ALDH1L2: variants seen among roughly 807,000 people sequenced by gnomAD.
The protein encoded by ALDH1L2 is aldehyde dehydrogenase 1 family member L2.
ALDH1L2 carries 91 observed loss-of-function variants against 111.0 expected under a neutral mutation model. The observed-to-expected ratio is 0.82, with a 90% confidence interval of 0.69 to 0.98. The LOEUF (loss-of-function observed/expected upper bound fraction) is 0.98. ALDH1L2 is among the 50% of genes least tolerant of loss of function. The probability of loss-of-function intolerance (pLI) is 0.00; values close to 1 mark genes in which losing one functional copy is unlikely to be tolerated. For missense variants in ALDH1L2, 995 were observed against 1,126.8 expected (o/e 0.88, Z 1.67); for synonymous variants, 374 against 392.6 (o/e 0.95, Z 0.56).
rs1874078534 is a variant in ALDH1L2 at position 105,019,907 on chromosome 12, A to G, written c.*4517T>C. 1 of 152,244 alleles carries G rather than the reference A, an allele frequency of 6.6e-6. No individual in the cohort carries two copies. Among genetic ancestry groups the G allele is most frequent in the Non-Finnish European group, 1.5e-5 (1 of 68,044 alleles). The allele number at this position is 152,244 out of a possible 1,614,324, so 9.4% of individuals were successfully genotyped here. A position where few individuals can be genotyped will look rare whatever the true frequency, so the allele number is the denominator to read the frequency against. Reference sequence around the variant, plus strand: ...ATGTAAAAAAAGTATACATATTCATAGAAAAAGTTTGGAACAATCTCAGAT... The same window carrying G: ...ATGTAAAAAAAGTATACATATTCATGGAAAAAGTTTGGAACAATCTCAGAT... On this transcript the variant is annotated 3_prime_UTR_variant, in exon 23 of 23. Coordinates refer to ENST00000258494, the MANE Select transcript of ALDH1L2 (RefSeq NM_001034173.4).
At chr12:105,074,457 CCAA>C (rs1417045883) in intron 1 of ALDH1L2, among the ~76,000 whole-genome samples, 2 of 93,702 alleles carry the variant, frequency 2.1e-5, no homozygotes. Context: ...GACTCTGTCT[CCAA>C]AAAAAAAAAA....
At chr12:105,050,580 A>G (rs1204731784) in intron 12 of ALDH1L2, 2 of 391,838 alleles carry the variant, frequency 5.1e-6, no homozygotes, top group Non-Finnish European at 1.0e-5. Flanking sequence ...CAACTTCTCT[A>G]TTTATTTTTC....
chr12:105,050,639 G>C (rs1331114310), intron 12 of ALDH1L2: 1 of 451,736 alleles, frequency 2.2e-6, no homozygotes, highest in Non-Finnish European at 4.4e-6. Context: ...GGCCACTCTA[G>C]AGTCCAGCTT....
At chr12:105,031,296 A>G (rs2136048394) in intron 20 of ALDH1L2, among the ~76,000 whole-genome samples, 1 of 152,332 alleles carries the variant, frequency 6.6e-6, no homozygotes, top group South Asian at 2.1e-4. Flanking sequence ...CCACTAAAAA[A>G]TAACTTCCTG....
At position 105,061,032 on chromosome 12, in the gene ALDH1L2, T is replaced by G; in HGVS notation, c.1088A>C (p.Glu363Ala). The change falls in exon 9 of 23, where the codon GAA becomes GCA. Residue 363 changes from glutamate to alanine, a missense_variant. Glu to Ala is a moderately radical substitution (Grantham distance 107, BLOSUM62 -1). Transcript: ENST00000258494. ...AGATTTAAAGAAGTCTGTTGAGTCT[T>G]CAATAATGGGGACATTGCTTAAAAT... ...AGILSNVPII[E>A]DSTDFFKSGA... 1 of 1,613,996 alleles carries G rather than the reference T, an allele frequency of 6.2e-7. No individual in the cohort carries two copies. Among genetic ancestry groups the G allele is most frequent in the Non-Finnish European group, 8.5e-7 (1 of 1,179,914 alleles).
At chr12:105,067,641 ACTGC>A (rs879480822) in intron 4 of ALDH1L2, among the ~76,000 whole-genome samples, 10 of 152,140 alleles carry the variant, frequency 6.6e-5, no homozygotes, top group Admixed American at 6.5e-4. Context: ...TCCCATTTTC[ACTGC>A]GAGGCCCACG....
intron 7 of ALDH1L2, 68 bp downstream of exon 7, chr12:105,062,820 C>T: frequency 6.5e-7 from 1 of 1,541,774 alleles, no homozygotes; most frequent in African/African-American, 1.4e-5. Flanking sequence ...AAAGCTATTC[C>T]CTTAATAGCT....
At chr12:105,028,388 C>T (rs1388509010) in intron 21 of ALDH1L2, among the ~76,000 whole-genome samples, 1 of 152,214 alleles carries the variant, frequency 6.6e-6, no homozygotes, top group African/African-American at 2.4e-5. Flanking sequence ...GCTGGGATTA[C>T]AGGCATGAGC....
intron 15 of ALDH1L2, among the ~76,000 whole-genome samples, chr12:105,041,095 C>T (rs775634924): frequency 7.9e-5 from 12 of 152,184 alleles, no homozygotes; most frequent in Admixed American, 5.2e-4. Context: ...GTACAATCAT[C>T]AAAATCAGGA....
At chr12:105,030,579 G>A (rs1405595364) in intron 20 of ALDH1L2, 150 bp from the exon 21 acceptor site, 3 of 517,322 alleles carry the variant, frequency 5.8e-6, no homozygotes, top group Non-Finnish European at 9.7e-6. Flanking sequence ...GTGTTGGCAT[G>A]CCCAGGTTCT....
chr12:105,050,427 CT>C (rs1418920683), intron 12 of ALDH1L2: 2 of 194,258 alleles, frequency 1.0e-5, no homozygotes, highest in Non-Finnish European at 2.1e-5. Context: ...ATTTCCAAAA[CT>C]AACTGAAGAG....
At chr12:105,034,495 A>G (rs1241978212) in intron 18 of ALDH1L2, 97 bp from the exon 19 acceptor site, 26 of 1,005,696 alleles carry the variant, frequency 2.6e-5, no homozygotes, top group Non-Finnish European at 3.7e-5. Context: ...TTTGGAAGAC[A>G]GCAGGCAATA....
At chr12:105,047,088 T>G (rs1046491445) in intron 13 of ALDH1L2, 119 bp from the exon 14 acceptor site, 3 of 1,075,848 alleles carry the variant, frequency 2.8e-6, no homozygotes, top group Non-Finnish European at 4.1e-6. Flanking sequence ...AAAAGAGCGT[T>G]TGTTGATAAG....
intron 15 of ALDH1L2, among the ~76,000 whole-genome samples, chr12:105,045,064 CT>C (rs1297966115): frequency 2.0e-5 from 3 of 151,826 alleles, no homozygotes; most frequent in African/African-American, 4.8e-5. Flanking sequence ...ACTTATTCAT[CT>C]TACATGATTG....
In ALDH1L2 at chr12:105,067,194, C is replaced by T. The variant is rs371531030; in HGVS notation, c.595-525G>A. The stretch of plus-strand genomic sequence containing the variant: ...TCACACCACTGCACTCCAGCCTGGG[C>T]GACAGAGCGAGACTCTGTCTCAAAA... On this transcript the variant is annotated intron_variant, in intron 4 of 22. Transcript: ENST00000258494. 3.1e-4 allele frequency among the ~76,000 whole-genome samples: 40 copies of T among 127,428 alleles called. No homozygotes were observed. The East Asian group carries it at 8.6e-3, about 28-fold the overall frequency. The allele number at this position is 127,428 out of a possible 152,430, so 83.6% of individuals were successfully genotyped here. A position where few individuals can be genotyped will look rare whatever the true frequency, so the allele number is the denominator to read the frequency against.
intron 9 of ALDH1L2, among the ~76,000 whole-genome samples, chr12:105,058,957 CA>C (rs201649829): frequency 1.8e-4 from 27 of 146,660 alleles, no homozygotes; most frequent in Non-Finnish European, 1.8e-4. Context: ...ATCTTGCTAG[CA>C]AAAAAAAAAG....
intron 9 of ALDH1L2, 25 bp downstream of exon 9, chr12:105,060,956 T>C: frequency 1.9e-6 from 3 of 1,600,606 alleles, no homozygotes; most frequent in Non-Finnish European, 2.6e-6. Context: ...GAATCCCTAG[T>C]GAGTCAATAA....
chr12:105,039,323 A>G (rs1257678666), intron 17 of ALDH1L2, among the ~76,000 whole-genome samples: 2 of 152,252 alleles, frequency 1.3e-5, no homozygotes, highest in East Asian at 1.9e-4. Flanking sequence ...AGCTTAAAAA[A>G]AAATTGCTTT....
chr12:105,035,401 G>A (rs542191661), intron 18 of ALDH1L2, among the ~76,000 whole-genome samples: 50 of 152,078 alleles, frequency 3.3e-4, no homozygotes, highest in African/African-American at 1.2e-3. Context: ...ATGGCTCACT[G>A]CAGCCTCAAC....
Sources: gnomAD v4.1 joint callset for allele counts (sites outside exome capture counted in the v4.1 genomes callset) on GRCh38, gnomAD v4.1.1 for gene constraint, MANE v1.5 for transcripts, NCBI Gene and HGNC (gene_info 2026-07-23, HGNC 2026-07-21) for gene names.